Variants in ATG7 observed in about 807,000 individuals in gnomAD.
ATG7 encodes ubiquitin-like modifier-activating enzyme ATG7.
Under a neutral mutation model 82.4 loss-of-function variants are expected in ATG7, and 70 were observed. That is an observed-to-expected ratio of 0.85 (90% CI 0.70 to 1.04). The LOEUF (loss-of-function observed/expected upper bound fraction) is 1.04. Ranked by LOEUF, ATG7 falls within the 50% of genes least tolerant of loss-of-function variation. The pLI, the probability that ATG7 is intolerant of heterozygous loss-of-function variation, is 0.00. For synonymous variants in ATG7, 287 were observed against 313.0 expected (o/e 0.92, Z 0.88); for missense variants, 792 against 864.3 (o/e 0.92, Z 1.05).
chr3:11,362,533 A>T (rs1050499144), intron 16 of ATG7, among the ~76,000 whole-genome samples: 2 of 152,194 alleles, frequency 1.3e-5, no homozygotes, highest in African/African-American at 2.4e-5. Flanking sequence ...ATGCAGTTCC[A>T]TTATATGAGG....
intron 20 of ATG7, among the ~76,000 whole-genome samples, chr3:11,439,741 C>G (rs1218859880): frequency 2.6e-5 from 4 of 152,172 alleles, no homozygotes; most frequent in Non-Finnish European, 4.4e-5. Flanking sequence ...GGTTGGAGCT[C>G]CAAGTGCAGG....
intron 1 of ATG7, chr3:11,277,516 C>T (rs927517262): frequency 1.9e-4 from 29 of 152,326 alleles, no homozygotes; most frequent in African/African-American, 6.5e-4. Context: ...CTGGGGGTGA[C>T]ATCACATATT....
intron 20 of ATG7, among the ~76,000 whole-genome samples, chr3:11,458,350 G>A (rs1408321710): frequency 6.6e-6 from 1 of 151,964 alleles, no homozygotes; most frequent in African/African-American, 2.4e-5. Flanking sequence ...TGCAAGCTCC[G>A]CCTCCTGGGT....
intron 20 of ATG7, among the ~76,000 whole-genome samples, chr3:11,541,387 G>A (rs1448679226): frequency 3.3e-5 from 5 of 152,176 alleles, no homozygotes; most frequent in African/African-American, 1.2e-4. Flanking sequence ...GCCCGTGTTT[G>A]TGGGTCTGTT....
At chr3:11,459,102 C>T (rs2086050649) in intron 20 of ATG7, among the ~76,000 whole-genome samples, 2 of 150,654 alleles carry the variant, frequency 1.3e-5, no homozygotes, top group Non-Finnish European at 2.9e-5. Flanking sequence ...CCTAGGCGAT[C>T]ACTTCTCTCA....
downstream of ATG7, chr3:11,558,689 T>C (rs1009501649): frequency 3.7e-6 from 6 of 1,613,852 alleles, no homozygotes; most frequent in Non-Finnish European, 5.1e-6. Flanking sequence ...GAGCCACGTG[T>C]CACCCAGAGC....
downstream of ATG7, among the ~76,000 whole-genome samples, chr3:11,559,807 G>A (rs991594899): frequency 9.9e-5 from 15 of 152,262 alleles, no homozygotes; most frequent in South Asian, 6.2e-4. Flanking sequence ...CGATTCTCCC[G>A]TTAACGTCCC....
intron 1 of ATG7, among the ~76,000 whole-genome samples, chr3:11,275,517 T>TA (rs1185534945): frequency 3.1e-5 from 4 of 130,096 alleles, no homozygotes; most frequent in African/African-American, 8.7e-5. Flanking sequence ...CCCGGCTAAT[T>TA]TTTTTTTTTT....
chr3:11,515,611 T>G (rs2124860437), intron 20 of ATG7, among the ~76,000 whole-genome samples: 1 of 152,292 alleles, frequency 6.6e-6, no homozygotes, highest in African/African-American at 2.4e-5. Flanking sequence ...CCAGGGGTAA[T>G]GACAGAATTG....
chr3:11,480,156 C>A (rs1425625009), intron 20 of ATG7, among the ~76,000 whole-genome samples: 1 of 152,130 alleles, frequency 6.6e-6, no homozygotes, highest in Non-Finnish European at 1.5e-5. Flanking sequence ...TGGTCTCGAT[C>A]TCCTGACCTC....
intron 20 of ATG7, among the ~76,000 whole-genome samples, chr3:11,538,747 G>A (rs2070564541): frequency 6.8e-6 from 1 of 147,220 alleles, no homozygotes; most frequent in African/African-American, 2.5e-5. Flanking sequence ...GGTGGTGCAG[G>A]CCTGTGGTTG....
intron 19 of ATG7, among the ~76,000 whole-genome samples, chr3:11,403,225 TATCA>T (rs2080006126): frequency 1.3e-5 from 2 of 152,196 alleles, no homozygotes; most frequent in African/African-American, 4.8e-5. Flanking sequence ...GACGTGCACC[TATCA>T]ATCTGAGGAA....
chr3:11,293,013 A>C (rs1286446548), intron 3 of ATG7, among the ~76,000 whole-genome samples: 1 of 152,174 alleles, frequency 6.6e-6, no homozygotes, highest in Non-Finnish European at 1.5e-5. Flanking sequence ...ATGACTTTGA[A>C]ATTTCTTCCT....
In ATG7 at chr3:11,328,857, C is replaced by T. The variant is rs540099821; in HGVS notation, c.679-2483C>T. On this transcript the variant is annotated intron_variant, in intron 9 of 20. Coordinates refer to ENST00000693202, the MANE Select transcript of ATG7 (RefSeq NM_001349232.2). ...ATCCCAGAACTTTGGGAGGATGAGGCCAGTGGATTGCTTGAGGTCAGGCGT... is the reference window on the plus strand; with the variant it reads ...ATCCCAGAACTTTGGGAGGATGAGGTCAGTGGATTGCTTGAGGTCAGGCGT... 2.6e-5 allele frequency among the ~76,000 whole-genome samples: 4 copies of T among 152,272 alleles called. No individual in the cohort carries two copies. In the East Asian group the frequency reaches 7.7e-4, roughly 29 times the overall value.
intron 20 of ATG7, among the ~76,000 whole-genome samples, chr3:11,551,488 T>C (rs2071776360): frequency 6.6e-6 from 1 of 152,266 alleles, no homozygotes; most frequent in Admixed American, 6.5e-5. Context: ...GGAGAGATTC[T>C]TCTAGGACTG....
chr3:11,551,749 TTTTC>T (rs2071810213), intron 20 of ATG7, among the ~76,000 whole-genome samples: 1 of 137,690 alleles, frequency 7.3e-6, no homozygotes, highest in African/African-American at 2.9e-5. Context: ...GGTTCTTTTC[TTTTC>T]TTTTTTTTTT....
downstream of ATG7, among the ~76,000 whole-genome samples, chr3:11,562,306 G>A (rs1195887329): frequency 6.6e-6 from 1 of 152,112 alleles, no homozygotes; most frequent in Non-Finnish European, 1.5e-5. Context: ...ATGAAATGGG[G>A]GGACACTTTC....
chr3:11,313,199 A>G, intron 7 of ATG7, 105 bp from the exon 8 acceptor site: 2 of 646,874 alleles, frequency 3.1e-6, no homozygotes, highest in South Asian at 2.5e-5. Flanking sequence ...CTTTGTTTGC[A>G]TAGCTTTGCT....
chr3:11,398,667 A>G (rs1474156622), intron 19 of ATG7, among the ~76,000 whole-genome samples: 1 of 152,214 alleles, frequency 6.6e-6, no homozygotes, highest in Non-Finnish European at 1.5e-5. Context: ...AGCCTGTGCA[A>G]CATAGCAAGA....
Sources: allele counts gnomAD v4.1 joint callset (sites outside exome capture counted in the v4.1 genomes callset), GRCh38; gene constraint gnomAD v4.1.1; transcripts MANE v1.5; gene names NCBI Gene and HGNC (gene_info 2026-07-23, HGNC 2026-07-21).